The following PDGFA variants were observed in gnomAD, a reference collection of about 807,000 sequenced individuals.
The protein encoded by PDGFA is platelet-derived growth factor subunit A.
A neutral mutation model predicts 25.6 loss-of-function variants in PDGFA; 9 were observed. The ratio of observed to expected loss-of-function variants is 0.35; its 90% confidence interval spans 0.21 to 0.61. PDGFA has a LOEUF of 0.61. Among genes scored for constraint, PDGFA ranks in the 20% least tolerant of loss-of-function variants. PDGFA has a pLI of 0.75. For synonymous variants in PDGFA, 133 were observed against 111.8 expected, an observed-to-expected ratio of 1.19 and a Z score of -1.20; for missense variants, 242 against 272.8, an observed-to-expected ratio of 0.89 and a Z score of 0.79.
chr7:498,259 G>A (rs1782182271), exon 6 of PDGFA: 1 of 457,804 alleles, frequency 2.2e-6, no homozygotes. Flanking sequence ...ATCTCATCGA[G>A]TTTAGATATT....
At chr7:512,593 C>A (rs2128402429) in intron 2 of PDGFA, 138 bp from the exon 3 acceptor site, 1 of 1,546,418 alleles carries the variant, frequency 6.5e-7, no homozygotes, top group East Asian at 2.4e-5. Context: ...CTCACAGCTC[C>A]CGCCATTAGG....
At chr7:501,070 GA>G in intron 5 of PDGFA, 45 bp downstream of exon 5, 1 of 1,614,006 alleles carries the variant, frequency 6.2e-7, no homozygotes, top group Non-Finnish European at 8.5e-7. Context: ...GCAAGGCTCT[GA>G]AGACCTGTTC....
At position 518,926 on chromosome 7, in the gene PDGFA, G is replaced by T; in HGVS notation, c.63+13C>A. On this transcript the variant is annotated intron_variant, in intron 1 of 5. Transcript: ENST00000402802. ...GAGCCGGCGCAGGGACGGGGCGCGG[G>T]GGCGGCACCAACCTCGGCCAGAACA... is the stretch of plus-strand genomic sequence containing the variant. 1 of 1,511,164 alleles carries T rather than the reference G, an allele frequency of 6.6e-7. No individual in the cohort carries two copies. Among genetic ancestry groups the T allele is most frequent in the Non-Finnish European group, 8.8e-7 (1 of 1,130,732 alleles). The allele number at this position is 1,511,164 out of a possible 1,614,324, so 93.6% of individuals were successfully genotyped here.
intron 3 of PDGFA, among the ~76,000 whole-genome samples, chr7:511,927 G>C (rs538768873): frequency 6.6e-6 from 1 of 152,216 alleles, no homozygotes; most frequent in Admixed American, 6.5e-5. Context: ...GACACAGCAC[G>C]CGCGTCCCCA....
In PDGFA at chr7:512,681, C is replaced by T. The variant is rs559346075; in HGVS notation, c.161-226G>A. Reference sequence around the variant, plus strand: ...ATGAAACACTGGAAACCGCAGAAAACGCCCCGTTAGCACAGAGGTCCCCAC... The same window carrying T: ...ATGAAACACTGGAAACCGCAGAAAATGCCCCGTTAGCACAGAGGTCCCCAC... On this transcript the variant is annotated intron_variant, in intron 2 of 5. Coordinates refer to ENST00000402802, the Ensembl canonical transcript of PDGFA. The T allele has an allele frequency of 1.9e-5, 28 of 1,473,088 alleles. No individual in the cohort carries two copies. In the South Asian group the frequency reaches 2.5e-4, roughly 13 times the overall value. 91.3% of individuals were successfully genotyped at this position (1,473,088 alleles called of 1,614,324 possible).
chr7:507,706 G>A (rs144651263), intron 4 of PDGFA, among the ~76,000 whole-genome samples: 1 of 152,188 alleles, frequency 6.6e-6, no homozygotes, highest in Non-Finnish European at 1.5e-5. Context: ...GCTCACAAGG[G>A]CCTCCAAAAT....
At chr7:515,594 C>T (rs541347067) in intron 2 of PDGFA, among the ~76,000 whole-genome samples, 1 of 152,178 alleles carries the variant, frequency 6.6e-6, no homozygotes, top group Non-Finnish European at 1.5e-5. Flanking sequence ...CATATTCTCA[C>T]ACACAAAGCC....
intron 4 of PDGFA, 148 bp from the exon 5 acceptor site, chr7:501,390 T>TA: frequency 2.0e-6 from 2 of 981,028 alleles, no homozygotes; most frequent in Non-Finnish European, 3.1e-6. Context: ...TGGTGGGGAG[T>TA]GTAGCAGTAC....
chr7:502,369 A>G (rs997593545), intron 4 of PDGFA, among the ~76,000 whole-genome samples: 2 of 151,910 alleles, frequency 1.3e-5, no homozygotes, highest in Admixed American at 1.3e-4. Flanking sequence ...CGCCGGCCCC[A>G]GGCAGCAGGG....
At chr7:508,497 C>T (rs1782661225) in intron 4 of PDGFA, among the ~76,000 whole-genome samples, 1 of 137,888 alleles carries the variant, frequency 7.3e-6, no homozygotes, top group African/African-American at 2.7e-5. Context: ...GAGTCCGAGG[C>T]TGCAGCAAAC....
chr7:507,680 G>C (rs1454978448), intron 4 of PDGFA, among the ~76,000 whole-genome samples: 1 of 152,182 alleles, frequency 6.6e-6, no homozygotes, highest in African/African-American at 2.4e-5. Flanking sequence ...AAGACCACAG[G>C]CATCCCGGAC....
chr7:518,944 C>A, exon 1 of PDGFA: 1 of 1,527,380 alleles, frequency 6.5e-7, no homozygotes, highest in Non-Finnish European at 8.8e-7. Flanking sequence ...CCAACCTCGG[C>A]CAGAACATGG....
chr7:507,212 G>C (rs999219195), intron 4 of PDGFA, among the ~76,000 whole-genome samples: 3 of 152,264 alleles, frequency 2.0e-5, no homozygotes, highest in Admixed American at 1.3e-4. Flanking sequence ...GGATGGGTGG[G>C]CAGGGAGAAG....
Position 517,431 on chromosome 7 carries a change from G to A in PDGFA, c.123C>T (p.Ile41=), listed in dbSNP as rs1339327614. 1 of 1,394,430 alleles carries A rather than the reference G, an allele frequency of 7.2e-7. No homozygotes were observed. Among genetic ancestry groups the A allele is most frequent in the Non-Finnish European group, 9.4e-7 (1 of 1,060,538 alleles). 86.4% of individuals were successfully genotyped at this position (1,394,430 alleles called of 1,614,324 possible). ...TCTCCAGGAGTCGCTGGAGGTCCCG[G>A]ATGCTGTGGATCTGACTGCGGGCCA... Residue 41 remains isoleucine (I), a synonymous_variant, in exon 2 of 6, where the codon ATC becomes ATT. Coordinates refer to ENST00000402802, the Ensembl canonical transcript of PDGFA. The surrounding 1 kb of genome is among the most constrained non-coding windows in gnomAD (Gnocchi z 7.4).
intron 5 of PDGFA, among the ~76,000 whole-genome samples, chr7:499,428 C>T (rs973714393): frequency 6.6e-6 from 1 of 152,226 alleles, no homozygotes; most frequent in African/African-American, 2.4e-5. Flanking sequence ...TCTAAAGAAA[C>T]TATTTGTTTT....
At chr7:506,152 G>A (rs1260984842) in intron 4 of PDGFA, among the ~76,000 whole-genome samples, 1 of 142,770 alleles carries the variant, frequency 7.0e-6, no homozygotes, top group Non-Finnish European at 1.5e-5. Context: ...CTCCAGCCTG[G>A]GCAACAGAGT....
At chr7:502,390 C>T (rs1030035702) in intron 4 of PDGFA, among the ~76,000 whole-genome samples, 3 of 152,156 alleles carry the variant, frequency 2.0e-5, no homozygotes, top group African/African-American at 4.8e-5. Context: ...CCAGCAGACC[C>T]ATACCCAGGG....
Position 500,582 on chromosome 7 carries a change from T to A in PDGFA, c.580+534A>T. ...ACTGAAGCAACAAATACCTACGGCA[T>A]TTGTTTATCTTTCCAGAAGAGAAGG... On this transcript the variant is annotated intron_variant, in intron 5 of 5. Transcript: ENST00000402802. The surrounding 1 kb of genome is among the most constrained non-coding windows in gnomAD (Gnocchi z 5.0). 1 of 1,603,620 alleles carries A rather than the reference T, an allele frequency of 6.2e-7. No homozygotes were observed. Among genetic ancestry groups the A allele is most frequent in the Non-Finnish European group, 8.5e-7 (1 of 1,176,256 alleles).
exon 5 of PDGFA, chr7:501,182 C>G: frequency 1.2e-6 from 2 of 1,614,242 alleles, no homozygotes; most frequent in Non-Finnish European, 1.7e-6. Context: ...AAATGCTCCT[C>G]TAACCTCACC....
Sources: allele counts gnomAD v4.1 joint callset (sites outside exome capture counted in the v4.1 genomes callset), GRCh38; gene constraint gnomAD v4.1.1; non-coding constraint Gnocchi (gnomAD v3.1); transcripts MANE v1.5; gene names NCBI Gene and HGNC (gene_info 2026-07-23, HGNC 2026-07-21).